TRPM6: variants seen among roughly 807,000 people sequenced by gnomAD.
TRPM6 encodes transient receptor potential cation channel subfamily M member 6, also known as channel kinase 2.
Under a neutral mutation model 247.6 loss-of-function variants are expected in TRPM6, and 111 were observed. The ratio of observed to expected loss-of-function variants is 0.45; its 90% CI spans 0.38 to 0.52. The LOEUF (loss-of-function observed/expected upper bound fraction) is 0.52. TRPM6 is among the 20% of genes least tolerant of loss of function. The probability of loss-of-function intolerance (pLI) is 0.00; values close to 1 mark genes in which losing one functional copy is unlikely to be tolerated. For synonymous variants in TRPM6, 892 were observed against 853.8 expected, an observed-to-expected ratio of 1.04 and a Z score of -0.78; for missense variants, 2,126 against 2,421.5, an observed-to-expected ratio of 0.88 and a Z score of 2.56.
chr9:74,804,027 T>C (rs1369125156), intron 14 of TRPM6, 141 bp from the exon 15 acceptor site: 38 of 692,624 alleles, frequency 5.5e-5, no homozygotes, highest in South Asian at 5.0e-4. Context: ...TAATGTTGTG[T>C]CCTACCAAAT....
intron 11 of TRPM6, among the ~76,000 whole-genome samples, chr9:74,815,343 G>C (rs529637508): frequency 2.5e-4 from 38 of 152,226 alleles, no homozygotes; most frequent in African/African-American, 8.7e-4. Flanking sequence ...TCTGGGTGCT[G>C]GAAACTAGGC....
intron 1 of TRPM6, among the ~76,000 whole-genome samples, chr9:74,861,872 T>A (rs1322952375): frequency 6.6e-6 from 1 of 152,072 alleles, no homozygotes; most frequent in African/African-American, 2.4e-5. Flanking sequence ...CAGGCTCACA[T>A]CTTCCCTGGA....
chr9:74,877,598 C>T (rs1261311243), intron 1 of TRPM6, among the ~76,000 whole-genome samples: 1 of 152,140 alleles, frequency 6.6e-6, no homozygotes, highest in Non-Finnish European at 1.5e-5. Flanking sequence ...CATTGATATC[C>T]CCTGCCCACA....
intron 1 of TRPM6, among the ~76,000 whole-genome samples, chr9:74,867,442 T>A (rs77408871): frequency 1.3e-5 from 2 of 152,280 alleles, no homozygotes; most frequent in Non-Finnish European, 2.9e-5. Context: ...CCCCAGATGG[T>A]CTCAGTTCCC....
intron 23 of TRPM6, 83 bp from the exon 24 acceptor site, chr9:74,776,159 A>G (rs1482838865): frequency 1.6e-6 from 2 of 1,233,788 alleles, no homozygotes; most frequent in African/African-American, 1.5e-5. Context: ...AACATTTATG[A>G]TTGGCTCACC....
chr9:74,770,031 T>C (rs1207482155), intron 25 of TRPM6, among the ~76,000 whole-genome samples: 1 of 152,186 alleles, frequency 6.6e-6, no homozygotes, highest in African/African-American at 2.4e-5. Flanking sequence ...ACTAAAGATA[T>C]TATGTAGGTG....
At chr9:74,743,758 C>T (rs1317406750) in intron 32 of TRPM6, among the ~76,000 whole-genome samples, 2 of 152,214 alleles carry the variant, frequency 1.3e-5, no homozygotes, top group South Asian at 4.1e-4. Context: ...TTCAGGTCTG[C>T]CTTTTCCCCA....
At chr9:74,755,585 A>G (rs1826405487) in intron 27 of TRPM6, 112 bp from the exon 28 acceptor site, 5 of 1,341,204 alleles carry the variant, frequency 3.7e-6, no homozygotes, top group African/African-American at 1.4e-5. Context: ...CTGGCTGCAT[A>G]TGACAATTGC....
intron 30 of TRPM6, among the ~76,000 whole-genome samples, chr9:74,748,476 T>C (rs138830509): frequency 0.026 from 3,974 of 152,292 alleles, 169 homozygotes; most frequent in African/African-American, 0.088. Flanking sequence ...ATGTGTGTTA[T>C]TGCCCCTGAA....
chr9:74,833,053 GA>G (rs1221401751), intron 6 of TRPM6, among the ~76,000 whole-genome samples: 2,356 of 134,388 alleles, frequency 0.018, 55 homozygotes, highest in African/African-American at 0.057. Flanking sequence ...TCCGTCTCAG[GA>G]AAAAAAAAAA....
intron 1 of TRPM6, among the ~76,000 whole-genome samples, chr9:74,874,428 T>C (rs1023764669): frequency 6.6e-6 from 1 of 152,130 alleles, no homozygotes; most frequent in South Asian, 2.1e-4. Flanking sequence ...CCAGCGTTGT[T>C]GTTTAGAGAC....
At chr9:74,757,817 G>T (rs998244410) in intron 27 of TRPM6, among the ~76,000 whole-genome samples, 2 of 152,120 alleles carry the variant, frequency 1.3e-5, no homozygotes, top group African/African-American at 4.8e-5. Context: ...GGAGGCTGAG[G>T]TGGGAGAATC....
intron 25 of TRPM6, among the ~76,000 whole-genome samples, chr9:74,765,006 C>T (rs1826780611): frequency 6.6e-6 from 1 of 151,666 alleles, no homozygotes. Flanking sequence ...TTTGTTTTAA[C>T]CTAGCAAATT....
At chr9:74,735,546 T>C (rs1457506040) in intron 36 of TRPM6, among the ~76,000 whole-genome samples, 1 of 152,156 alleles carries the variant, frequency 6.6e-6, no homozygotes, top group Non-Finnish European at 1.5e-5. Flanking sequence ...TGGAATCTGC[T>C]TTGTTGAATA....
intron 25 of TRPM6, among the ~76,000 whole-genome samples, chr9:74,767,254 T>C (rs1049662438): frequency 6.6e-6 from 1 of 152,148 alleles, no homozygotes; most frequent in African/African-American, 2.4e-5. Flanking sequence ...TTCCGAAATA[T>C]AATGTACCAA....
chr9:74,742,204 C>T (rs1380896085), intron 33 of TRPM6, among the ~76,000 whole-genome samples: 2 of 152,218 alleles, frequency 1.3e-5, no homozygotes, highest in African/African-American at 4.8e-5. Flanking sequence ...TGCCTGTTGG[C>T]TTTCACCATA....
At chr9:74,796,323 G>C (rs1399178901) in intron 18 of TRPM6, among the ~76,000 whole-genome samples, 1 of 152,202 alleles carries the variant, frequency 6.6e-6, no homozygotes, top group Non-Finnish European at 1.5e-5. Context: ...AGTTGAAAAG[G>C]CTGCATCTGC....
chr9:74,835,324 T>C (rs148903760), intron 5 of TRPM6, among the ~76,000 whole-genome samples: 2,126 of 152,232 alleles, frequency 0.014, 44 homozygotes, highest in African/African-American at 0.047. Context: ...TTTGTAGAGT[T>C]TGGATATTAG....
At chr9:74,747,348 G>T (rs1826083647) in intron 31 of TRPM6, among the ~76,000 whole-genome samples, 1 of 152,192 alleles carries the variant, frequency 6.6e-6, no homozygotes, top group Non-Finnish European at 1.5e-5. Context: ...AAGAAAGTGT[G>T]ATGGAACAAG....
Sources: gnomAD v4.1 joint callset for allele counts (sites outside exome capture counted in the v4.1 genomes callset) on GRCh38, gnomAD v4.1.1 for gene constraint, MANE v1.5 for transcripts, NCBI Gene and HGNC (gene_info 2026-07-23, HGNC 2026-07-21) for gene names.